The following CACNA1B variants were observed in gnomAD, a reference collection of about 807,000 sequenced individuals.
The protein encoded by CACNA1B is voltage-dependent N-type calcium channel subunit alpha-1B.
A neutral mutation model predicts 247.2 loss-of-function variants in CACNA1B; 70 were observed. The ratio of observed to expected loss-of-function variants is 0.28; its 90% confidence interval spans 0.23 to 0.35. CACNA1B has a LOEUF of 0.35. Ranked by LOEUF, CACNA1B falls within the 10% of genes least tolerant of loss-of-function variation. The pLI is 1.00. For missense variants in CACNA1B, 2,367 were observed against 3,197.4 expected, an observed-to-expected ratio of 0.74 and a Z score of 6.26; for synonymous variants, 1,231 against 1,294.4, an observed-to-expected ratio of 0.95 and a Z score of 1.05.
chr9:137,961,356 C>G (rs1958019413), intron 10 of CACNA1B, among the ~76,000 whole-genome samples: 1 of 152,148 alleles, frequency 6.6e-6, no homozygotes, highest in Non-Finnish European at 1.5e-5. Context: ...TGTAAATACC[C>G]TTTATTTCTT....
chr9:138,090,780 A>G (rs1423359199), intron 36 of CACNA1B, among the ~76,000 whole-genome samples: 2 of 150,934 alleles, frequency 1.3e-5, no homozygotes, highest in African/African-American at 4.9e-5. Flanking sequence ...ATCTCTCAAA[A>G]GAAGACATAC....
rs199740043 is a variant in CACNA1B, at chr9:138,122,021, G to A, written c.*22G>A. 39 of 1,579,150 alleles carry A rather than the reference G, an allele frequency of 2.5e-5. No homozygotes were observed. The highest frequency in any genetic ancestry group is 1.6e-4 in the East Asian group (7 of 44,216). ...CTAGCTGCACCGTGACCGCTCAGACGCCTGCATGCAGCAGGCGTGTGTTCC... is the reference window on the plus strand; with the variant it reads ...CTAGCTGCACCGTGACCGCTCAGACACCTGCATGCAGCAGGCGTGTGTTCC... On this transcript the variant is annotated 3_prime_UTR_variant, in exon 47 of 47. Transcript: ENST00000371372.
intron 20 of CACNA1B, among the ~76,000 whole-genome samples, chr9:138,043,362 CTG>C (rs1959151208): frequency 6.6e-6 from 1 of 152,218 alleles, no homozygotes; most frequent in Admixed American, 6.5e-5. Flanking sequence ...CAGGGAGCCT[CTG>C]TGGGTTTGTG....
At chr9:137,970,578 A>G (rs1272770369) in intron 10 of CACNA1B, among the ~76,000 whole-genome samples, 2 of 152,178 alleles carry the variant, frequency 1.3e-5, no homozygotes, top group Non-Finnish European at 2.9e-5. Context: ...GGTCAGGGCC[A>G]CTGTCGGAGG....
chr9:138,112,287 C>T (rs548896199), intron 39 of CACNA1B, 111 bp from the exon 40 acceptor site: 2 of 731,904 alleles, frequency 2.7e-6, no homozygotes, highest in South Asian at 3.2e-5. Context: ...TACCCCATCT[C>T]CGCCTACACC....
intron 15 of CACNA1B, among the ~76,000 whole-genome samples, chr9:137,991,827 T>C (rs767314787): frequency 1.3e-5 from 2 of 152,216 alleles, no homozygotes; most frequent in African/African-American, 4.8e-5. Flanking sequence ...GAATTTTGTG[T>C]CCAGTGAAAC....
At chr9:138,120,130 C>A in intron 44 of CACNA1B, 35 bp from the exon 45 acceptor site, 1 of 1,540,646 alleles carries the variant, frequency 6.5e-7, no homozygotes, top group Non-Finnish European at 8.8e-7. Flanking sequence ...ACCCTGGTGC[C>A]TCCCCTAGGC....
Position 138,002,310 on chromosome 9 carries a change from C to T in CACNA1B, c.1975-4457C>T, listed in dbSNP as rs376895800. On this transcript the variant is annotated intron_variant, in intron 15 of 46. Coordinates refer to ENST00000371372, the MANE Select transcript of CACNA1B (RefSeq NM_000718.4). Reference sequence around the variant, plus strand: ...TTTGGGTCTGGGAAAATTGGCTTTCCGTATGAAAAAAATTGGATCATCATC... The same window carrying T: ...TTTGGGTCTGGGAAAATTGGCTTTCTGTATGAAAAAAATTGGATCATCATC... 3.2e-4 allele frequency among the ~76,000 whole-genome samples: 48 copies of T among 151,948 alleles called. No individual in the cohort carries two copies. In the East Asian group the frequency reaches 6.4e-3, roughly 20 times the overall value.
chr9:137,949,941 T>C (rs1957860392), intron 6 of CACNA1B, among the ~76,000 whole-genome samples: 1 of 152,190 alleles, frequency 6.6e-6, no homozygotes, highest in Non-Finnish European at 1.5e-5. Context: ...TCACAGCATC[T>C]AAGAAATTGG....
intron 3 of CACNA1B, among the ~76,000 whole-genome samples, chr9:137,909,839 C>T (rs1170435685): frequency 6.6e-6 from 1 of 151,936 alleles, no homozygotes; most frequent in Non-Finnish European, 1.5e-5. Context: ...GGCATGATCT[C>T]AGCTCACTGC....
In CACNA1B at chr9:138,051,705, C is replaced by A. The variant is rs1226724260; in HGVS notation, c.3711-387C>A. On this transcript the variant is annotated intron_variant, in intron 24 of 46. Transcript: ENST00000371372. The surrounding 1 kb of genome is among the most constrained non-coding windows in gnomAD (Gnocchi z 4.3). ...AGCCCAAAAAGCAAGGAAAAAAGCCCTTCCAGAAGATTCTCGCCCTAGAAA... is the reference window on the plus strand; with the variant it reads ...AGCCCAAAAAGCAAGGAAAAAAGCCATTCCAGAAGATTCTCGCCCTAGAAA... 1.3e-5 allele frequency among the ~76,000 whole-genome samples: 2 copies of A among 152,124 alleles called. No homozygotes were observed. The highest frequency in any genetic ancestry group is 2.9e-5 in the Non-Finnish European group (2 of 68,026).
Position 138,102,622 on chromosome 9 carries a change from ACCCCGCTCCCCT to A in CACNA1B, c.5223-74_5223-63del, listed in dbSNP as rs557756130. On this transcript the variant is annotated intron_variant, in intron 37 of 46. Coordinates refer to ENST00000371372, the MANE Select transcript of CACNA1B (RefSeq NM_000718.4). The surrounding 1 kb of genome is among the most constrained non-coding windows in gnomAD (Gnocchi z 5.4). Reference sequence around the variant, plus strand: ...TCTTGTCTGCTTCCTCCCTGCCCCTACCCCGCTCCCCTCCCCGCTCCCCTCCTGCTGCCGCTC... The same window carrying A: ...TCTTGTCTGCTTCCTCCCTGCCCCTACCCCGCTCCCCTCCTGCTGCCGCTC... 102 of 589,120 alleles carry A rather than the reference ACCCCGCTCCCCT, an allele frequency of 1.7e-4. No homozygotes were observed. Among genetic ancestry groups the A allele is most frequent in the East Asian group, 6.0e-4 (19 of 31,500 alleles). The allele number at this position is 589,120 out of a possible 1,614,324, so 36.5% of individuals were successfully genotyped here. A position where few individuals can be genotyped will look rare whatever the true frequency, so the allele number is the denominator to read the frequency against.
chr9:137,999,458 A>G (rs1270379828), intron 15 of CACNA1B, among the ~76,000 whole-genome samples: 7 of 152,136 alleles, frequency 4.6e-5, no homozygotes, highest in Admixed American at 3.3e-4. Flanking sequence ...AACAACACTT[A>G]AAGAAAAACT....
chr9:137,987,750 G>C (rs564730098), intron 15 of CACNA1B, among the ~76,000 whole-genome samples: 1 of 152,142 alleles, frequency 6.6e-6, no homozygotes, highest in Non-Finnish European at 1.5e-5. Flanking sequence ...CAAATTAGAC[G>C]ATTGGCTCAA....
At chr9:138,049,129 A>T in intron 23 of CACNA1B, 80 bp from the exon 24 acceptor site, 1 of 939,396 alleles carries the variant, frequency 1.1e-6, no homozygotes, top group Non-Finnish European at 1.8e-6. Flanking sequence ...TGCTGAGATT[A>T]CAGGCATGAG....
intron 20 of CACNA1B, among the ~76,000 whole-genome samples, chr9:138,026,308 A>G (rs560563434): frequency 6.6e-6 from 1 of 152,280 alleles, no homozygotes; most frequent in East Asian, 1.9e-4. Context: ...CATGGGCACA[A>G]GTGAGTCTGC....
chr9:137,880,976 C>G lies in CACNA1B; in HGVS notation c.391-1768C>G, dbSNP rs1293029428. On this transcript the variant is annotated intron_variant, in intron 2 of 46. Coordinates refer to ENST00000371372, the MANE Select transcript of CACNA1B (RefSeq NM_000718.4). This position sits in a 1 kb window ranked among gnomAD's most constrained non-coding sequence, Gnocchi z 4.8. ...AACACCAAGCTGCCTGCACACCCAT[C>G]CCTCCCACCTAAGCCAGCCTTCAGC... is the stretch of plus-strand genomic sequence containing the variant. 6.6e-6 allele frequency among the ~76,000 whole-genome samples: 1 copy of G among 152,226 alleles called. No homozygotes were observed. The highest frequency in any genetic ancestry group is 1.5e-5 in the Non-Finnish European group (1 of 68,040).
Position 137,971,631 on chromosome 9 carries a change from A to C in CACNA1B, c.1543+39A>C, listed in dbSNP as rs1204985542. The C allele has an allele frequency of 6.5e-7, 1 of 1,529,988 alleles. No individual in the cohort carries two copies. Among genetic ancestry groups the C allele is most frequent in the Non-Finnish European group, 9.0e-7 (1 of 1,111,698 alleles). The allele number at this position is 1,529,988 out of a possible 1,614,324, so 94.8% of individuals were successfully genotyped here. On this transcript the variant is annotated intron_variant, in intron 11 of 46. Transcript: ENST00000371372. This position sits in a 1 kb window ranked among gnomAD's most constrained non-coding sequence, Gnocchi z 4.4. ...TCCCTCCCTCAGGTGCTTCCTGAGC[A>C]TCTCTGCTCTCAGTCTGGAAACCCT... is the stretch of plus-strand genomic sequence containing the variant.
At position 137,986,373 on chromosome 9, in the gene CACNA1B, G is replaced by A; in HGVS notation, c.1770-40G>A. ...GCAGAGAGCCATGAATGTGAAGTCA[G>A]CGTCTGGAGCTGGCTCAGACCCCCT... is the stretch of plus-strand genomic sequence containing the variant. On this transcript the variant is annotated intron_variant, in intron 13 of 46. Transcript: ENST00000371372. This position sits in a 1 kb window ranked among gnomAD's most constrained non-coding sequence, Gnocchi z 6.0. The A allele has an allele frequency of 6.2e-7, 1 of 1,609,684 alleles. No individual in the cohort carries two copies. The highest frequency in any genetic ancestry group is 8.5e-7 in the Non-Finnish European group (1 of 1,178,058).
Sources: allele counts gnomAD v4.1 joint callset (sites outside exome capture counted in the v4.1 genomes callset), GRCh38; gene constraint gnomAD v4.1.1; non-coding constraint Gnocchi (gnomAD v3.1); transcripts MANE v1.5; gene names NCBI Gene and HGNC (gene_info 2026-07-23, HGNC 2026-07-21).